Variants in VAV2 observed in about 807,000 individuals in gnomAD.
The protein encoded by VAV2 is guanine nucleotide exchange factor VAV2.
VAV2 carries 67 observed loss-of-function variants against 132.5 expected under a neutral mutation model. That is an observed-to-expected ratio of 0.51 (90% CI 0.42 to 0.62). VAV2 has a LOEUF of 0.62. VAV2 is among the 20% of genes least tolerant of loss of function. VAV2 has a pLI of 0.00. For missense variants in VAV2, 938 were observed against 1,153.6 expected (o/e 0.81, Z 2.71); for synonymous variants, 492 against 443.5 (o/e 1.11, Z -1.37).
intron 1 of VAV2, among the ~76,000 whole-genome samples, chr9:133,963,188 C>T (rs1029807525): frequency 6.6e-6 from 1 of 152,176 alleles, no homozygotes; most frequent in South Asian, 2.1e-4. Context: ...CCCCAGGACC[C>T]AGCACCAGGA....
Position 133,788,733 on chromosome 9 carries a change from G to C in VAV2, c.1275-247C>G, listed in dbSNP as rs982343793. Among the ~76,000 whole-genome samples the C allele has an allele frequency of 6.6e-6, 1 of 152,058 alleles. No homozygotes were observed. The highest frequency in any genetic ancestry group is 1.5e-5 in the Non-Finnish European group (1 of 67,990). ...GAGGCTGTGCCAGGAGCCCTTCAAGGGGCTCCTGCATCCCCCACGCTGGCC... is the reference window on the plus strand; with the variant it reads ...GAGGCTGTGCCAGGAGCCCTTCAAGCGGCTCCTGCATCCCCCACGCTGGCC... On this transcript the variant is annotated intron_variant, in intron 14 of 29. Transcript: ENST00000371850. The surrounding 1 kb of genome is among the most constrained non-coding windows in gnomAD (Gnocchi z 5.3).
In VAV2 at chr9:133,826,173, G is replaced by A. The variant is rs886751762; in HGVS notation, c.449+8099C>T. ...ACAGACCATCTGGGCAGATGCTTTC[G>A]TTTCAGAGACTGGGAAACTGAGGCC... On this transcript the variant is annotated intron_variant, in intron 4 of 29. Transcript: ENST00000371850. The surrounding 1 kb of genome is among the most constrained non-coding windows in gnomAD (Gnocchi z 4.2). Among the ~76,000 whole-genome samples, 3 of 152,150 alleles carry A rather than the reference G, an allele frequency of 2.0e-5. No individual in the cohort carries two copies. Among genetic ancestry groups the A allele is most frequent in the Non-Finnish European group, 1.5e-5 (1 of 68,028 alleles).
In VAV2 at chr9:133,785,217, A is replaced by G. The variant is rs1564343670; in HGVS notation, c.1532+559T>C. 2.0e-5 allele frequency among the ~76,000 whole-genome samples: 3 copies of G among 152,302 alleles called. No individual in the cohort carries two copies. In the East Asian group the frequency reaches 5.8e-4, roughly 29 times the overall value. On this transcript the variant is annotated intron_variant, in intron 17 of 29. Coordinates refer to ENST00000371850, the MANE Select transcript of VAV2 (RefSeq NM_001134398.2). ...CAGAGAGGCGAGTGCACCTGCCTGCAGGCCCCAGCTCACCTGCCCGCAGAG... is the reference window on the plus strand; with the variant it reads ...CAGAGAGGCGAGTGCACCTGCCTGCGGGCCCCAGCTCACCTGCCCGCAGAG...
chr9:133,936,846 G>T (rs1207915742), intron 2 of VAV2, among the ~76,000 whole-genome samples: 1 of 152,178 alleles, frequency 6.6e-6, no homozygotes, highest in South Asian at 2.1e-4. Context: ...GACCGCCACG[G>T]TGAGACATGG....
chr9:133,844,225 T>C (rs1836840528), intron 3 of VAV2, among the ~76,000 whole-genome samples: 1 of 152,160 alleles, frequency 6.6e-6, no homozygotes, highest in Admixed American at 6.5e-5. Flanking sequence ...AGGCATAATA[T>C]ATATTTTTAT....
chr9:133,987,512 C>T (rs1236119280), intron 1 of VAV2, among the ~76,000 whole-genome samples: 1 of 152,242 alleles, frequency 6.6e-6, no homozygotes, highest in East Asian at 1.9e-4. Context: ...CCAAAACCAT[C>T]GCCAGGCTGG....
chr9:133,858,236 C>T (rs1837459193), intron 3 of VAV2, among the ~76,000 whole-genome samples: 1 of 152,198 alleles, frequency 6.6e-6, no homozygotes, highest in African/African-American at 2.4e-5. Context: ...GGGCTGTGGG[C>T]ATGCAGGATC....
In VAV2 at chr9:133,784,305, G is replaced by T; in HGVS notation, c.1634+12C>A. 6.2e-7 allele frequency: 1 copy of T among 1,612,896 alleles called. No individual in the cohort carries two copies. The highest frequency in any genetic ancestry group is 1.1e-5 in the South Asian group (1 of 91,040). ...GAGCGAGGTGAGGGCTGTAGCAGGG[G>T]GTTTCCCACACCTGAGGAACATTTT... On this transcript the variant is annotated intron_variant, in intron 18 of 29. Coordinates refer to ENST00000371850, the MANE Select transcript of VAV2 (RefSeq NM_001134398.2).
chr9:133,859,644 C>CAAACA (rs1554792960), intron 3 of VAV2, among the ~76,000 whole-genome samples: 8 of 145,138 alleles, frequency 5.5e-5, no homozygotes, highest in African/African-American at 2.0e-4. Flanking sequence ...CAAAACAAAA[C>CAAACA]AAAAAAAAAA....
rs1184129817 is a variant in VAV2, at chr9:133,788,323, TG to T, written c.1407+30del. On this transcript the variant is annotated intron_variant, in intron 15 of 29. Coordinates refer to ENST00000371850, the MANE Select transcript of VAV2 (RefSeq NM_001134398.2). This position sits in a 1 kb window ranked among gnomAD's most constrained non-coding sequence, Gnocchi z 5.3. ...TCTCTCCAGGCCACCCCCACGTTCCTGGGTAGCAGGGGGGACCCGGAAGGCC... is the reference window on the plus strand; with the variant it reads ...TCTCTCCAGGCCACCCCCACGTTCCTGGTAGCAGGGGGGACCCGGAAGGCC... The T allele has an allele frequency of 2.0e-6, 3 of 1,498,860 alleles. No homozygotes were observed. The highest frequency in any genetic ancestry group is 2.8e-5 in the African/African-American group (2 of 71,560). The allele number at this position is 1,498,860 out of a possible 1,614,324, so 92.8% of individuals were successfully genotyped here.
chr9:133,780,649 T>C, intron 20 of VAV2, 45 bp downstream of exon 20: 1 of 1,252,570 alleles, frequency 8.0e-7, no homozygotes, highest in Non-Finnish European at 1.0e-6. Context: ...CACAGGGATG[T>C]GGCGGGGGTG....
chr9:133,812,292 T>G, intron 4 of VAV2, 76 bp from the exon 5 acceptor site: 1 of 1,454,588 alleles, frequency 6.9e-7, no homozygotes, highest in Non-Finnish European at 9.6e-7. Context: ...AGCACGAGGG[T>G]CCACGAGGGA....
At position 133,969,857 on chromosome 9, in the gene VAV2, G is replaced by C. The variant is rs1420624407; in HGVS notation, c.204+22218C>G. 6.6e-6 allele frequency among the ~76,000 whole-genome samples: 1 copy of C among 152,018 alleles called. No individual in the cohort carries two copies. The highest frequency in any genetic ancestry group is 6.5e-5 in the Admixed American group (1 of 15,282). ...CAGGCCTCCCTCTCCAGGTGTCCCT[G>C]TAGTGCAGACACAGTGGAGCTTTCC... On this transcript the variant is annotated intron_variant, in intron 1 of 29. Coordinates refer to ENST00000371850, the MANE Select transcript of VAV2 (RefSeq NM_001134398.2). The surrounding 1 kb of genome is among the most constrained non-coding windows in gnomAD (Gnocchi z 5.1).
chr9:133,854,941 G>A (rs915857763), intron 3 of VAV2, among the ~76,000 whole-genome samples: 1 of 152,164 alleles, frequency 6.6e-6, no homozygotes, highest in Non-Finnish European at 1.5e-5. Context: ...CTGGCGGGAT[G>A]AGCTGCTAAG....
chr9:133,945,596 G>A lies in VAV2; in HGVS notation c.205-6377C>T, dbSNP rs570775067. Among the ~76,000 whole-genome samples, 11 of 152,326 alleles carry A rather than the reference G, an allele frequency of 7.2e-5. No individual in the cohort carries two copies. The South Asian group carries it at 2.3e-3, about 32-fold the overall frequency. Reference sequence around the variant, plus strand: ...GCCCATGCCCGGGAAAGTCCCTTTGGCTGCCCCACCAGGAAGGTCAGGGGC... The same window carrying A: ...GCCCATGCCCGGGAAAGTCCCTTTGACTGCCCCACCAGGAAGGTCAGGGGC... On this transcript the variant is annotated intron_variant, in intron 1 of 29. Transcript: ENST00000371850.
At position 133,868,199 on chromosome 9, in the gene VAV2, A is replaced by G. The variant is rs547157061; in HGVS notation, c.322-6767T>C. Among the ~76,000 whole-genome samples the G allele has an allele frequency of 1.9e-3, 291 of 152,292 alleles. 1 individual carries two copies. The highest frequency in any genetic ancestry group is 3.3e-3 in the Non-Finnish European group (223 of 68,014). ...TGAAGTAACGGTTGGGTCCTGACTCAACCCAACTGCTGTGAGCTACCCGGG... is the reference window on the plus strand; with the variant it reads ...TGAAGTAACGGTTGGGTCCTGACTCGACCCAACTGCTGTGAGCTACCCGGG... On this transcript the variant is annotated intron_variant, in intron 2 of 29. Coordinates refer to ENST00000371850, the MANE Select transcript of VAV2 (RefSeq NM_001134398.2).
intron 25 of VAV2, among the ~76,000 whole-genome samples, chr9:133,774,294 C>T (rs775801885): frequency 1.6e-4 from 24 of 152,184 alleles, no homozygotes; most frequent in Non-Finnish European, 2.6e-4. Context: ...AGCTCCTGGT[C>T]GGCAAGGCCC....
At chr9:133,829,117 G>A (rs1453526507) in intron 4 of VAV2, among the ~76,000 whole-genome samples, 2 of 152,206 alleles carry the variant, frequency 1.3e-5, no homozygotes, top group Non-Finnish European at 2.9e-5. Flanking sequence ...CCCAAGAGTT[G>A]GGCAGGAACG....
chr9:133,972,785 G>A (rs57211538), intron 1 of VAV2, among the ~76,000 whole-genome samples: 1 of 152,278 alleles, frequency 6.6e-6, no homozygotes, highest in African/African-American at 2.4e-5. Context: ...AGGCAGAAAT[G>A]ATGGCCCCAC....
Sources: gnomAD v4.1 joint callset for allele counts (sites outside exome capture counted in the v4.1 genomes callset) on GRCh38, gnomAD v4.1.1 for gene constraint, Gnocchi (gnomAD v3.1) non-coding constraint, MANE v1.5 for transcripts, NCBI Gene and HGNC (gene_info 2026-07-23, HGNC 2026-07-21) for gene names.